Variants in TCEA3 observed in about 807,000 individuals in gnomAD.
TCEA3 encodes the protein transcription elongation factor A protein 3.
In TCEA3, 36 loss-of-function variants were observed where a neutral mutation model predicts 44.0. The observed-to-expected ratio is 0.82, with a 90% CI of 0.63 to 1.08. The LOEUF (loss-of-function observed/expected upper bound fraction) is 1.08, where lower values mean the gene tolerates loss of function less well. Among genes scored for constraint, TCEA3 ranks in the 50% least tolerant of loss-of-function variants. TCEA3 has a pLI of 0.00. For missense variants in TCEA3, 392 were observed against 441.2 expected (o/e 0.89, Z 1.00); for synonymous variants, 162 against 159.7 (o/e 1.01, Z -0.11).
chr1:23,399,144 G>GTATATATATATATATATATGTATATA (rs1639312578), intron 5 of TCEA3, among the ~76,000 whole-genome samples: 1 of 61,166 alleles, frequency 1.6e-5, no homozygotes, highest in African/African-American at 5.7e-5. Context: ...ATGTATATAT[G>GTATATATATATATATATATGTATATA]TATATATATA....
intron 1 of TCEA3, among the ~76,000 whole-genome samples, chr1:23,419,955 C>T (rs994234444): frequency 6.6e-6 from 1 of 152,200 alleles, no homozygotes; most frequent in East Asian, 1.9e-4. Context: ...ATGGAACCCT[C>T]ACCACAATCA....
At chr1:23,417,511 C>T (rs964401491) in intron 3 of TCEA3, 121 bp from the exon 4 acceptor site, 1 of 1,400,640 alleles carries the variant, frequency 7.1e-7, no homozygotes, top group Non-Finnish European at 9.5e-7. Flanking sequence ...ACTCCCAACA[C>T]ACACACAAAC....
At chr1:23,399,134 A>ATG (rs1434173032) in intron 5 of TCEA3, among the ~76,000 whole-genome samples, 76 of 74,722 alleles carry the variant, frequency 1.0e-3, no homozygotes, top group African/African-American at 4.0e-3. Context: ...GTTTATATAT[A>ATG]TGTATATATG....
Position 23,381,261 on chromosome 1 carries a change from A to G in TCEA3, c.*205T>C. 6.7e-6 allele frequency: 4 copies of G among 592,824 alleles called. No homozygotes were observed. The highest frequency in any genetic ancestry group is 1.2e-5 in the Non-Finnish European group (4 of 327,436). 36.7% of individuals were successfully genotyped at this position (592,824 alleles called of 1,614,324 possible). On this transcript the variant is annotated 3_prime_UTR_variant, in exon 11 of 11. Transcript: ENST00000450454. ...TTCATCAATACAAATTCTCAGCATCATTCTCCAATTAGGCTCCCCCATTAA... is the reference window on the plus strand; with the variant it reads ...TTCATCAATACAAATTCTCAGCATCGTTCTCCAATTAGGCTCCCCCATTAA...
intron 10 of TCEA3, among the ~76,000 whole-genome samples, chr1:23,381,812 C>G (rs1638678904): frequency 1.3e-5 from 2 of 152,208 alleles, no homozygotes; most frequent in Admixed American, 1.3e-4. Flanking sequence ...CGGAGACCAA[C>G]TGAAAATGTG....
At position 23,397,844 on chromosome 1, in the gene TCEA3, G is replaced by A; in HGVS notation, c.555C>T (p.Asp185=). ...CLLAPCYLTG[D]SVRDKCVEML... is the part of the protein sequence containing the mutation. The stretch of plus-strand genomic sequence containing the variant: ...TCTCCACACACTTGTCCCGGACAGA[G>A]TCCCCTGTGAGATAGCAGGGGGCCA... Residue 185 remains aspartate (D), a synonymous_variant, in exon 6 of 11, where the codon GAC becomes GAT. Coordinates refer to ENST00000450454, the MANE Select transcript of TCEA3 (RefSeq NM_003196.3). 1 of 1,613,972 alleles carries A rather than the reference G, an allele frequency of 6.2e-7. No homozygotes were observed.
intron 3 of TCEA3, among the ~76,000 whole-genome samples, chr1:23,417,693 A>G (rs6686120): frequency 0.011 from 1,632 of 152,370 alleles, 34 homozygotes; most frequent in African/African-American, 0.037. Flanking sequence ...TAAGTGGCAC[A>G]TGTACACAAA....
At chr1:23,418,074 G>T (rs115923042) in intron 2 of TCEA3, 65 bp from the exon 3 acceptor site, 1 of 1,510,224 alleles carries the variant, frequency 6.6e-7, no homozygotes, top group Admixed American at 1.8e-5. Flanking sequence ...GCCATCATTG[G>T]CAGATCCTGC....
chr1:23,423,845 G>A (rs1193697373), intron 1 of TCEA3: 1 of 456,034 alleles, frequency 2.2e-6, no homozygotes, highest in Admixed American at 2.3e-5. Flanking sequence ...AGGGCTGTCA[G>A]CCCTGCTCCC....
intron 4 of TCEA3, among the ~76,000 whole-genome samples, chr1:23,416,738 C>T (rs1321675422): frequency 5.3e-5 from 8 of 152,136 alleles, no homozygotes; most frequent in African/African-American, 1.9e-4. Flanking sequence ...GTGATCCTCC[C>T]GCCTCAGCCT....
chr1:23,402,399 C>T (rs1013488522), intron 5 of TCEA3, among the ~76,000 whole-genome samples: 12 of 152,186 alleles, frequency 7.9e-5, no homozygotes, highest in Non-Finnish European at 1.8e-4. Flanking sequence ...CCCTGCACGT[C>T]CTGCCCCTAC....
intron 8 of TCEA3, 59 bp downstream of exon 8, chr1:23,393,820 C>T (rs1639134027): frequency 1.3e-6 from 2 of 1,577,986 alleles, no homozygotes; most frequent in East Asian, 2.3e-5. Flanking sequence ...ACCCTCTGCA[C>T]TAGGCAGGGC....
intron 8 of TCEA3, among the ~76,000 whole-genome samples, chr1:23,391,132 TTTTCTTTC>T (rs771986848): frequency 3.4e-5 from 5 of 147,768 alleles, no homozygotes; most frequent in African/African-American, 1.0e-4. Context: ...TTTTTTCTTT[TTTTCTTTC>T]TTTCTTTCTT....
chr1:23,400,374 T>G (rs1053339122), intron 5 of TCEA3, among the ~76,000 whole-genome samples: 3 of 7,346 alleles, frequency 4.1e-4, no homozygotes, highest in African/African-American at 5.2e-4. Context: ...CACACCAGGC[T>G]TTTTTTTTTT....
rs1333471129 is a variant in TCEA3 at position 23,399,154 on chromosome 1, A to ATATATGTG, written c.444-1200_444-1199insCACATATA. Among the ~76,000 whole-genome samples, 305 of 107,194 alleles carry ATATATGTG rather than the reference A, an allele frequency of 2.8e-3. 9 individuals carry two copies. The East Asian group carries it at 0.092, about 32-fold the overall frequency. 70.3% of individuals were successfully genotyped at this position (107,194 alleles called of 152,430 possible). A position where few individuals can be genotyped will look rare whatever the true frequency, so the allele number is the denominator to read the frequency against. On this transcript the variant is annotated intron_variant, in intron 5 of 10. Coordinates refer to ENST00000450454, the MANE Select transcript of TCEA3 (RefSeq NM_003196.3). ...TATATATGTATATATGTATATATAT[A>ATATATGTG]TATATATATATATATATATATATAT...
chr1:23,410,429 A>C, intron 4 of TCEA3, among the ~76,000 whole-genome samples: 1 of 152,154 alleles, frequency 6.6e-6, no homozygotes, highest in Middle Eastern at 3.2e-3. Context: ...AGAATACAAT[A>C]GCAAGATAAA....
intron 4 of TCEA3, among the ~76,000 whole-genome samples, chr1:23,416,908 C>T (rs1225297315): frequency 6.6e-6 from 1 of 152,202 alleles, no homozygotes; most frequent in Non-Finnish European, 1.5e-5. Flanking sequence ...TTTCCCCGCA[C>T]CTAGGCTGTT....
chr1:23,404,546 G>A (rs1639488302), intron 5 of TCEA3, among the ~76,000 whole-genome samples: 1 of 152,072 alleles, frequency 6.6e-6, no homozygotes. Flanking sequence ...CCTAAGAAGG[G>A]AGAGGTGATG....
intron 5 of TCEA3, chr1:23,404,207 G>C (rs1260411734): frequency 4.3e-6 from 3 of 702,114 alleles, no homozygotes; most frequent in Admixed American, 4.0e-5. Context: ...GGACAACTGA[G>C]AACAGTCAAC....
Sources: gnomAD v4.1 joint callset for allele counts (sites outside exome capture counted in the v4.1 genomes callset) on GRCh38, gnomAD v4.1.1 for gene constraint, MANE v1.5 for transcripts, NCBI Gene and HGNC (gene_info 2026-07-23, HGNC 2026-07-21) for gene names.